Variants in MND1 observed in about 807,000 individuals in gnomAD.
MND1 encodes the protein meiotic nuclear division protein 1 homolog.
MND1 carries 28 observed loss-of-function variants against 35.1 expected under a neutral mutation model. That is an observed-to-expected ratio of 0.80 (90% CI 0.59 to 1.09). The LOEUF (loss-of-function observed/expected upper bound fraction) is 1.09. Among genes scored for constraint, MND1 ranks in the 50% least tolerant of loss-of-function variants. The pLI, the probability that MND1 is intolerant of heterozygous loss-of-function variation, is 0.00. For missense variants in MND1, 213 were observed against 239.6 expected, an observed-to-expected ratio of 0.89 and a Z score of 0.73; for synonymous variants, 69 against 70.5, an observed-to-expected ratio of 0.98 and a Z score of 0.11.
chr4:153,357,397 C>T lies in MND1; in HGVS notation c.128-1077C>T, dbSNP rs553190304. 1.2e-4 allele frequency among the ~76,000 whole-genome samples: 19 copies of T among 152,286 alleles called. No homozygotes were observed. The South Asian group carries it at 2.9e-3, about 23-fold the overall frequency. ...GTTCAAGATTGGGATACCAATCCCC[C>T]ACACAATTGGAAATCTGCATGTAAT... On this transcript the variant is annotated intron_variant, in intron 3 of 7. Coordinates refer to ENST00000240488, the MANE Select transcript of MND1 (RefSeq NM_032117.4).
At chr4:153,399,660 G>A (rs536380863) in intron 6 of MND1, among the ~76,000 whole-genome samples, 1 of 152,138 alleles carries the variant, frequency 6.6e-6, no homozygotes, top group African/African-American at 2.4e-5. Context: ...GGTATACAAA[G>A]GACGGTGAAC....
intron 4 of MND1, among the ~76,000 whole-genome samples, chr4:153,364,165 A>G (rs1773565754): frequency 6.6e-6 from 1 of 152,180 alleles, no homozygotes; most frequent in African/African-American, 2.4e-5. Context: ...GGAATGTGAA[A>G]TGGTGCAGCT....
At chr4:153,377,530 A>G (rs1282147698) in intron 4 of MND1, among the ~76,000 whole-genome samples, 2 of 152,212 alleles carry the variant, frequency 1.3e-5, no homozygotes, top group Non-Finnish European at 2.9e-5. Flanking sequence ...TCTGTTCTCT[A>G]GAACCTCTCA....
intron 6 of MND1, among the ~76,000 whole-genome samples, chr4:153,404,893 AT>A (rs550516575): frequency 1.8e-3 from 269 of 149,996 alleles, no homozygotes; most frequent in African/African-American, 6.1e-3. Flanking sequence ...CACCTGGCTA[AT>A]TTTTTTTTTA....
chr4:153,415,093 G>T lies in MND1; in HGVS notation c.*236G>T. On this transcript the variant is annotated 3_prime_UTR_variant, in exon 8 of 8. Transcript: ENST00000240488. ...GGACAATAAAAATCCATCCATCTCA[G>T]TCCAGGCAGATTTACAAATGATTTT... 3.6e-6 allele frequency: 1 copy of T among 276,690 alleles called. No homozygotes were observed. Among genetic ancestry groups the T allele is most frequent in the Non-Finnish European group, 6.8e-6 (1 of 147,452 alleles). 17.1% of individuals were successfully genotyped at this position (276,690 alleles called of 1,614,324 possible). A position where few individuals can be genotyped will look rare whatever the true frequency, so the allele number is the denominator to read the frequency against.
chr4:153,399,357 C>A (rs1347538015), intron 6 of MND1, among the ~76,000 whole-genome samples: 1 of 152,116 alleles, frequency 6.6e-6, no homozygotes, highest in Non-Finnish European at 1.5e-5. Context: ...ACTCCCCAGT[C>A]CTTTTCTTAA....
intron 4 of MND1, among the ~76,000 whole-genome samples, chr4:153,374,856 C>G (rs80152581): frequency 0.017 from 2,588 of 152,182 alleles, 51 homozygotes; most frequent in East Asian, 0.076. Flanking sequence ...AGCAGACAAA[C>G]CAGCAACTGC....
intron 4 of MND1, among the ~76,000 whole-genome samples, chr4:153,361,200 AGTAATTT>A (rs1773482375): frequency 6.6e-6 from 1 of 152,338 alleles, no homozygotes; most frequent in Admixed American, 6.5e-5. Flanking sequence ...GACATCCTTT[AGTAATTT>A]GTTCAGCCAG....
chr4:153,353,067 G>T lies in MND1; in HGVS notation c.70-2587G>T, dbSNP rs954334048. ...CAGTGGTTCATGTTCTTTTTCTAGG[G>T]AATTTAAAGTATTTGCAAAGAGGTT... is the stretch of plus-strand genomic sequence containing the variant. On this transcript the variant is annotated intron_variant, in intron 2 of 7. Coordinates refer to ENST00000240488, the MANE Select transcript of MND1 (RefSeq NM_032117.4). 2.6e-5 allele frequency among the ~76,000 whole-genome samples: 4 copies of T among 151,868 alleles called. No homozygotes were observed. The South Asian group carries it at 6.2e-4, about 24-fold the overall frequency.
chr4:153,392,125 G>A (rs1729063505), intron 4 of MND1, among the ~76,000 whole-genome samples: 1 of 149,062 alleles, frequency 6.7e-6, no homozygotes, highest in African/African-American at 2.5e-5. Flanking sequence ...TTTTTGAGAT[G>A]GAGTCTTGCT....
intron 4 of MND1, among the ~76,000 whole-genome samples, chr4:153,388,928 C>T (rs1728944036): frequency 6.6e-6 from 1 of 152,116 alleles, no homozygotes; most frequent in Non-Finnish European, 1.5e-5. Context: ...GGGGATGGTC[C>T]CCTACCCCAT....
At chr4:153,374,677 A>G (rs958126771) in intron 4 of MND1, among the ~76,000 whole-genome samples, 4 of 151,874 alleles carry the variant, frequency 2.6e-5, no homozygotes, top group South Asian at 2.1e-4. Flanking sequence ...AGTGATTCCA[A>G]TTATGTGCAG....
rs566584962 is a variant in MND1 at position 153,392,503 on chromosome 4, G to A, written c.277-1759G>A. ...TATAATTCAAGAGTGAGGGAGGAGT[G>A]GAATATTTTTTAAGAAGGCCCTTAC... On this transcript the variant is annotated intron_variant, in intron 4 of 7. Transcript: ENST00000240488. 1.1e-4 allele frequency among the ~76,000 whole-genome samples: 16 copies of A among 148,540 alleles called. No homozygotes were observed. The South Asian group carries it at 3.1e-3, about 29-fold the overall frequency.
At chr4:153,363,001 C>T (rs1391541283) in intron 4 of MND1, 55 of 985,182 alleles carry the variant, frequency 5.6e-5, no homozygotes, top group South Asian at 9.4e-5. Context: ...CTTTCCCCCA[C>T]CCCCACATGA....
intron 4 of MND1, among the ~76,000 whole-genome samples, chr4:153,390,889 A>ATGTGTGTGTGTGTG (rs58003087): frequency 7.2e-6 from 1 of 139,774 alleles, no homozygotes; most frequent in African/African-American, 2.6e-5. Context: ...AGGTATATAT[A>ATGTGTGTGTGTGTG]TGTGTGTGTG....
intron 4 of MND1, among the ~76,000 whole-genome samples, chr4:153,392,206 A>T (rs1484417521): frequency 6.6e-6 from 1 of 151,350 alleles, no homozygotes; most frequent in African/African-American, 2.4e-5. Flanking sequence ...GGTTCATGCC[A>T]TTCTCCCACC....
chr4:153,375,738 C>T (rs767206685), intron 4 of MND1, among the ~76,000 whole-genome samples: 1 of 151,952 alleles, frequency 6.6e-6, no homozygotes, highest in Non-Finnish European at 1.5e-5. Flanking sequence ...TATATGTAAG[C>T]TTAGAAAATA....
intron 4 of MND1, among the ~76,000 whole-genome samples, chr4:153,378,718 G>T (rs1287018514): frequency 6.6e-6 from 1 of 152,134 alleles, no homozygotes; most frequent in Non-Finnish European, 1.5e-5. Flanking sequence ...TCACCAGTTG[G>T]CAAATCATAT....
intron 4 of MND1, among the ~76,000 whole-genome samples, chr4:153,360,854 A>G (rs1773472397): frequency 6.6e-6 from 1 of 151,834 alleles, no homozygotes; most frequent in South Asian, 2.1e-4. Flanking sequence ...TATAACTACT[A>G]AAGTACCCAG....
Sources: allele counts gnomAD v4.1 joint callset (sites outside exome capture counted in the v4.1 genomes callset), GRCh38; gene constraint gnomAD v4.1.1; transcripts MANE v1.5; gene names NCBI Gene and HGNC (gene_info 2026-07-23, HGNC 2026-07-21).